The following KCNK16 variants were observed in gnomAD, a reference collection of about 807,000 sequenced individuals.
KCNK16 encodes the protein potassium two pore domain channel subfamily K member 16.
In KCNK16, 23 loss-of-function variants were observed where a neutral mutation model predicts 23.0. The ratio of observed to expected loss-of-function variants is 1.00; its 90% confidence interval spans 0.72 to 1.41. The LOEUF is 1.41. Ranked by LOEUF, KCNK16 falls within the 40% of genes most tolerant of loss-of-function variation. The pLI, the probability that KCNK16 is intolerant of heterozygous loss-of-function variation, is 0.00. For synonymous variants in KCNK16, 145 were observed against 153.5 expected (o/e 0.94, Z 0.41); for missense variants, 327 against 365.8 (o/e 0.89, Z 0.87).
rs990417700 is a variant in KCNK16 at position 39,322,591 on chromosome 6, T to C, written c.-51A>G. On this transcript the variant is annotated 5_prime_UTR_variant, in exon 1 of 5. Transcript: ENST00000437525. ...CGTGGGGCTGGCTATGGGGGAGAGG[T>C]GGGAAACAGGTGAGGAGTAAGCACC... The C allele has an allele frequency of 6.5e-7, 1 of 1,530,324 alleles. No homozygotes were observed. Among genetic ancestry groups the C allele is most frequent in the Admixed American group, 2.0e-5 (1 of 50,810 alleles). 94.8% of individuals were successfully genotyped at this position (1,530,324 alleles called of 1,614,324 possible).
intron 2 of KCNK16, 148 bp from the exon 3 acceptor site, chr6:39,318,100 AT>A (rs1431447442): frequency 1.4e-6 from 1 of 723,872 alleles, no homozygotes; most frequent in Non-Finnish European, 2.1e-6. Context: ...TGCTGGAATG[AT>A]TTTTATTTAT....
intron 4 of KCNK16, 50 bp from the exon 5 acceptor site, chr6:39,316,492 A>C (rs1583782181): frequency 6.5e-7 from 1 of 1,536,806 alleles, no homozygotes; most frequent in Non-Finnish European, 8.8e-7. Context: ...GGGCATAGCC[A>C]CCTCCAGTTT....
rs774743667 is a variant in KCNK16 at position 39,322,575 on chromosome 6, G to A, written c.-35C>T. ...AGGACCCTGCCAGGGCCGTGGGGCT[G>A]GCTATGGGGGAGAGGTGGGAAACAG... is the stretch of plus-strand genomic sequence containing the variant. On this transcript the variant is annotated 5_prime_UTR_variant, in exon 1 of 5. Coordinates refer to ENST00000437525, the MANE Select transcript of KCNK16 (RefSeq NM_001135106.2). 3.9e-6 allele frequency: 6 copies of A among 1,547,676 alleles called. No homozygotes were observed. In the South Asian group the frequency reaches 5.8e-5, roughly 15 times the overall value.
intron 1 of KCNK16, among the ~76,000 whole-genome samples, chr6:39,321,703 G>A (rs922605426): frequency 6.6e-6 from 1 of 152,254 alleles, no homozygotes; most frequent in East Asian, 1.9e-4. Context: ...GACCCAGGCA[G>A]GGGGTGACCC....
chr6:39,318,046 C>A, intron 2 of KCNK16, 94 bp from the exon 3 acceptor site: 1 of 1,276,540 alleles, frequency 7.8e-7, no homozygotes, highest in Non-Finnish European at 1.1e-6. Flanking sequence ...TCTGTCACCA[C>A]CTCTGGGGGT....
At chr6:39,317,324 C>T (rs1323812859) in intron 3 of KCNK16, among the ~76,000 whole-genome samples, 1 of 152,218 alleles carries the variant, frequency 6.6e-6, no homozygotes, top group African/African-American at 2.4e-5. Context: ...GGGCAGCCTG[C>T]AGAGCTTGTT....
At chr6:39,320,707 T>G (rs951056378) in intron 1 of KCNK16, among the ~76,000 whole-genome samples, 9 of 152,124 alleles carry the variant, frequency 5.9e-5, no homozygotes, top group African/African-American at 1.9e-4. Context: ...CCCCAGGGGC[T>G]AATCAGTGGC....
upstream of KCNK16, chr6:39,322,939 C>T (rs3807043): frequency 0.4 from 72,984 of 181,344 alleles, 15,260 homozygotes; most frequent in African/African-American, 0.48. Context: ...CTCTCTCGGC[C>T]GCCCCCAGCG....
intron 2 of KCNK16, 123 bp downstream of exon 2, chr6:39,318,896 C>G: frequency 1.5e-6 from 1 of 674,356 alleles, no homozygotes; most frequent in Non-Finnish European, 2.7e-6. Context: ...CTTACCCACT[C>G]CCTCCCTGGG....
rs146890431 is a variant in KCNK16, at chr6:39,319,094, C to T, written c.253G>A (p.Gly85Ser). The T allele has an allele frequency of 7.8e-4, 1,252 of 1,614,062 alleles. No individual in the cohort carries two copies. The highest frequency in any genetic ancestry group is 9.4e-4 in the Non-Finnish European group (1,114 of 1,179,988). The change falls in exon 2 of 5, where the codon GGC (glycine) becomes AGC (serine). Residue 85 changes from glycine (G) to serine (S), a missense_variant. By Grantham distance (56) the Gly-to-Ser change is moderately conservative. Coordinates refer to ENST00000437525, the MANE Select transcript of KCNK16 (RefSeq NM_001135106.2). The surrounding 1 kb of genome is among the most constrained non-coding windows in gnomAD (Gnocchi z 4.2). ...CAGTTGCTGGGGTTGGTAGAGTTGCCTTTGGGGTTCACACCTTTCACCCAG... is the reference window on the plus strand; with the variant it reads ...CAGTTGCTGGGGTTGGTAGAGTTGCTTTTGGGGTTCACACCTTTCACCCAG... ...EAWVKGVNPK[G>S]NSTNPSNWDF...
chr6:39,316,296 C>T lies in KCNK16; in HGVS notation c.808G>A (p.Gly270Ser), dbSNP rs758711620. The T allele has an allele frequency of 2.9e-5, 47 of 1,603,848 alleles. 1 individual carries two copies. The Admixed American group carries it at 7.5e-4, about 26-fold the overall frequency. ...GCTGCCCCATCCTTGACGCCGAGGC[C>T]CCTACTGAGCAGCCAGAGCTGGCAG... The part of the protein sequence containing the change: ...RCCQLWLLSR[G>S]LGVKDGAASD... The change falls in exon 5 of 5, where the codon GGC becomes AGC. Residue 270 changes from glycine to serine, a missense_variant. Gly to Ser is a moderately conservative substitution (Grantham distance 56). Coordinates refer to ENST00000437525, the MANE Select transcript of KCNK16 (RefSeq NM_001135106.2).
rs1762453796 is a variant in KCNK16 at position 39,319,865 on chromosome 6, T to C, written c.214-732A>G. Among the ~76,000 whole-genome samples the C allele has an allele frequency of 6.6e-6, 1 of 152,164 alleles. No homozygotes were observed. Among genetic ancestry groups the C allele is most frequent in the South Asian group, 2.1e-4 (1 of 4,828 alleles). On this transcript the variant is annotated intron_variant, in intron 1 of 4. Transcript: ENST00000437525. This position sits in a 1 kb window ranked among gnomAD's most constrained non-coding sequence, Gnocchi z 4.2. ...TGTGCATGTTTGTATGTGTGTTGCA[T>C]GTGTTTTCACAAGACCCGAACCTTT...
chr6:39,319,107 A>G lies in KCNK16; in HGVS notation c.240T>C (p.Gly80=), dbSNP rs1165265611. 4.3e-6 allele frequency: 7 copies of G among 1,613,598 alleles called. No individual in the cohort carries two copies. The highest frequency in any genetic ancestry group is 1.7e-5 in the Admixed American group (1 of 60,006). The change falls in exon 2 of 5, where the codon GGT becomes GGC. Residue 80 remains glycine (G), a synonymous_variant. Transcript: ENST00000437525. This position sits in a 1 kb window ranked among gnomAD's most constrained non-coding sequence, Gnocchi z 4.2. The stretch of plus-strand genomic sequence containing the variant: ...TGGTAGAGTTGCCTTTGGGGTTCAC[A>G]CCTTTCACCCAGGCTTCCATGATGA... ...VQVIMEAWVK[G]VNPKGNSTNP...
intron 2 of KCNK16, 63 bp from the exon 3 acceptor site, chr6:39,318,015 C>T (rs1762392507): frequency 6.8e-7 from 1 of 1,475,194 alleles, no homozygotes; most frequent in Non-Finnish European, 9.1e-7. Context: ...CTCCTCTTCC[C>T]CAGACTCTAG....
intron 1 of KCNK16, 116 bp downstream of exon 1, chr6:39,322,210 ACT>A: frequency 6.9e-7 from 1 of 1,456,224 alleles, no homozygotes; most frequent in South Asian, 1.4e-5. Context: ...TTCCCACCAC[ACT>A]CTTCTTCCAA....
At position 39,316,950 on chromosome 6, in the gene KCNK16, AGGAG is replaced by A; in HGVS notation, c.496-7_496-4del. 1 of 1,608,698 alleles carries A rather than the reference AGGAG, an allele frequency of 6.2e-7. No homozygotes were observed. Among genetic ancestry groups the A allele is most frequent in the Non-Finnish European group, 8.5e-7 (1 of 1,178,042 alleles). ...GCCAGGCCCAGGACTTGCAGTACCTAGGAGGGAGGGAGTTGGCCTCTGAGTCCAC... is the reference window on the plus strand; with the variant it reads ...GCCAGGCCCAGGACTTGCAGTACCTAGGAGGGAGTTGGCCTCTGAGTCCAC... On this transcript the variant is annotated splice_polypyrimidine_tract_variant and splice_region_variant and intron_variant, in intron 3 of 4. Transcript: ENST00000437525.
At chr6:39,315,170 T>C, downstream of KCNK16, 1 of 1,614,142 alleles carries the variant, frequency 6.2e-7, no homozygotes, top group Non-Finnish European at 8.5e-7. Flanking sequence ...CCACTTGCTG[T>C]TGGATGATGG....
In KCNK16 at chr6:39,319,954, C is replaced by G. The variant is rs968943825; in HGVS notation, c.214-821G>C. Among the ~76,000 whole-genome samples the G allele has an allele frequency of 3.3e-5, 5 of 152,202 alleles. No individual in the cohort carries two copies. Among genetic ancestry groups the G allele is most frequent in the African/African-American group, 1.2e-4 (5 of 41,446 alleles). On this transcript the variant is annotated intron_variant, in intron 1 of 4. Coordinates refer to ENST00000437525, the MANE Select transcript of KCNK16 (RefSeq NM_001135106.2). This position sits in a 1 kb window ranked among gnomAD's most constrained non-coding sequence, Gnocchi z 4.2. ...CTGCTGACAACCTCCAGTCCCTGGG[C>G]CCAGCCGCCTTGGAGAATAGGCAGG...
rs761453929 is a variant in KCNK16, at chr6:39,317,838, C to T, written c.443G>A (p.Arg148His). 20 of 1,612,404 alleles carry T rather than the reference C, an allele frequency of 1.2e-5. No homozygotes were observed. The highest frequency in any genetic ancestry group is 6.7e-5 in the Admixed American group (4 of 59,764). ...IFLNHLGTGL[R>H]AHLAAIERWE... ...TCTTTCAATGGCGGCCAGATGGGCA[C>T]GCAGCCCTGTGCCCAGGTGGTTGAG... Residue 148 changes from arginine to histidine, a missense_variant, in exon 3 of 5, where the codon CGT (arginine) becomes CAT (histidine). Physicochemically the swap from Arg to His is conservative, Grantham distance 29. Transcript: ENST00000437525.
Sources: allele counts gnomAD v4.1 joint callset (sites outside exome capture counted in the v4.1 genomes callset), GRCh38; gene constraint gnomAD v4.1.1; non-coding constraint Gnocchi (gnomAD v3.1); transcripts MANE v1.5; gene names NCBI Gene and HGNC (gene_info 2026-07-23, HGNC 2026-07-21).